The following TTC7A variants were observed in gnomAD, a reference collection of about 807,000 sequenced individuals.
TTC7A encodes tetratricopeptide repeat domain 7A.
Under a neutral mutation model 103.7 loss-of-function variants are expected in TTC7A, and 110 were observed. The observed-to-expected ratio is 1.06, with a 90% CI of 0.91 to 1.24. The LOEUF (loss-of-function observed/expected upper bound fraction) is 1.24, where lower values mean the gene tolerates loss of function less well. Ranked by LOEUF, TTC7A falls within the 50% of genes most tolerant of loss-of-function variation. TTC7A has a pLI of 0.00. For synonymous variants in TTC7A, 521 were observed against 467.9 expected, an observed-to-expected ratio of 1.11 and a Z score of -1.47; for missense variants, 1,340 against 1,116.3, an observed-to-expected ratio of 1.20 and a Z score of -2.86.
At chr2:46,983,610 A>G (rs1220737912) in intron 5 of TTC7A, among the ~76,000 whole-genome samples, 2 of 152,226 alleles carry the variant, frequency 1.3e-5, no homozygotes, top group Non-Finnish European at 2.9e-5. Flanking sequence ...GTGACTTATG[A>G]AGCCCGGCAC....
intron 18 of TTC7A, among the ~76,000 whole-genome samples, chr2:47,057,597 T>G (rs575303503): frequency 1.9e-4 from 29 of 151,974 alleles, no homozygotes; most frequent in African/African-American, 7.0e-4. Context: ...ACCAGGGGAG[T>G]GGGGAGCTTG....
At chr2:47,037,188 C>A (rs1392620230) in intron 15 of TTC7A, among the ~76,000 whole-genome samples, 1 of 147,088 alleles carries the variant, frequency 6.8e-6, no homozygotes, top group Non-Finnish European at 1.5e-5. Context: ...GTACCAGATT[C>A]TGTTCTTGTT....
intron 19 of TTC7A, among the ~76,000 whole-genome samples, chr2:47,062,089 G>A (rs72873000): frequency 8.5e-4 from 129 of 152,336 alleles, no homozygotes; most frequent in African/African-American, 3.0e-3. Flanking sequence ...TGATTTGTCC[G>A]TGAGGAGAAG....
At position 46,957,003 on chromosome 2, in the gene TTC7A, CA is replaced by C; in HGVS notation, c.516del (p.Gly173AlafsTer17). On this transcript the variant is annotated frameshift_variant, in exon 3 of 20. Coordinates refer to ENST00000319190, the MANE Select transcript of TTC7A (RefSeq NM_020458.4). LOFTEE classifies it high-confidence loss of function. ...GGCTGCTGTCGGAGGCTTTTGTCATCAAAGGTAGCTGTGGGCACCAGCCTGG... is the reference window on the plus strand; with the variant it reads ...GGCTGCTGTCGGAGGCTTTTGTCATCAAGGTAGCTGTGGGCACCAGCCTGG... ...MRLLSEAFVI[K>X]GLSLERLPNS... 6.2e-7 allele frequency: 1 copy of C among 1,614,134 alleles called. No homozygotes were observed. The highest frequency in any genetic ancestry group is 1.1e-5 in the South Asian group (1 of 91,078).
At chr2:46,985,017 C>A (rs1674866580) in intron 5 of TTC7A, among the ~76,000 whole-genome samples, 2 of 152,164 alleles carry the variant, frequency 1.3e-5, no homozygotes, top group African/African-American at 2.4e-5. Flanking sequence ...CAGGTGGTCC[C>A]ACCCTCCCTA....
chr2:46,983,197 C>T (rs760427391), intron 5 of TTC7A, among the ~76,000 whole-genome samples: 4 of 152,198 alleles, frequency 2.6e-5, no homozygotes, highest in African/African-American at 7.2e-5. Context: ...CTGGGAGACC[C>T]GAGGCAGTTC....
At chr2:46,980,401 G>A (rs920763008) in intron 5 of TTC7A, among the ~76,000 whole-genome samples, 2 of 151,728 alleles carry the variant, frequency 1.3e-5, no homozygotes, top group Non-Finnish European at 2.9e-5. Flanking sequence ...TTGTAGAGAG[G>A]GAGTTGCATT....
chr2:46,938,673 A>G (rs1307195802), upstream of TTC7A, among the ~76,000 whole-genome samples: 4 of 152,158 alleles, frequency 2.6e-5, no homozygotes, highest in Non-Finnish European at 4.4e-5. Context: ...CTTATAGTCA[A>G]TAAATTCTAT....
intron 11 of TTC7A, among the ~76,000 whole-genome samples, chr2:47,015,012 C>T (rs1462243876): frequency 2.6e-5 from 4 of 152,168 alleles, no homozygotes; most frequent in Admixed American, 2.0e-4. Flanking sequence ...CTGGCTGATT[C>T]GGGGGTTTGC....
chr2:47,029,837 C>T (rs1680328933), intron 15 of TTC7A, among the ~76,000 whole-genome samples: 1 of 152,200 alleles, frequency 6.6e-6, no homozygotes, highest in African/African-American at 2.4e-5. Flanking sequence ...GGTCCTGCTC[C>T]TTCATACCTC....
intron 15 of TTC7A, among the ~76,000 whole-genome samples, chr2:47,038,569 A>G (rs950951983): frequency 6.6e-6 from 1 of 152,020 alleles, no homozygotes; most frequent in African/African-American, 2.4e-5. Flanking sequence ...GCAATTACTA[A>G]TTACTGTCCT....
At chr2:46,970,960 G>C (rs977897483) in intron 3 of TTC7A, among the ~76,000 whole-genome samples, 2 of 152,220 alleles carry the variant, frequency 1.3e-5, no homozygotes. Flanking sequence ...CCCCAGCCTG[G>C]CAAAGGGACA....
At position 46,941,892 on chromosome 2, in the gene TTC7A, G is replaced by C. The variant is rs995492814; in HGVS notation, c.184+167G>C. On this transcript the variant is annotated intron_variant, in intron 1 of 19. Coordinates refer to ENST00000319190, the MANE Select transcript of TTC7A (RefSeq NM_020458.4). The surrounding 1 kb of genome is among the most constrained non-coding windows in gnomAD (Gnocchi z 4.2). ...TTAGGAAGGTCCTTCTGCCGCGAGA[G>C]AAAAATCACATGTGGTTTGGGGGCT... The C allele has an allele frequency of 1.3e-5, 11 of 839,012 alleles. No homozygotes were observed. The South Asian group carries it at 2.0e-4, about 15-fold the overall frequency. The allele number at this position is 839,012 out of a possible 1,614,324, so 52.0% of individuals were successfully genotyped here.
rs138153777 is a variant in TTC7A, at chr2:47,025,123, C to T, written c.1641+764C>T. 3.4e-3 allele frequency among the ~76,000 whole-genome samples: 521 copies of T among 152,302 alleles called. 3 individuals carry two copies. The highest frequency in any genetic ancestry group is 0.012 in the African/African-American group (490 of 41,582). On this transcript the variant is annotated intron_variant, in intron 14 of 19. Coordinates refer to ENST00000319190, the MANE Select transcript of TTC7A (RefSeq NM_020458.4). ...GCTCTCACAGTGGAGCTCTCCTTGC[C>T]GGAACCACCCAGGAAATGGGCTGAG...
chr2:47,032,378 G>C (rs976467658), intron 15 of TTC7A, among the ~76,000 whole-genome samples: 2 of 152,190 alleles, frequency 1.3e-5, no homozygotes, highest in African/African-American at 4.8e-5. Flanking sequence ...CTTCCCCAAG[G>C]CTTGCAAGGA....
intron 5 of TTC7A, among the ~76,000 whole-genome samples, chr2:46,979,412 G>A (rs1302107202): frequency 3.3e-5 from 5 of 152,172 alleles, no homozygotes; most frequent in Admixed American, 6.5e-5. Context: ...AAGTTCTGGC[G>A]TCACGCTGGG....
At chr2:47,047,269 C>T (rs1018036247) in intron 16 of TTC7A, 1 of 1,546,758 alleles carries the variant, frequency 6.5e-7, no homozygotes. Flanking sequence ...TTCACAGAGA[C>T]TTTAGGAGCC....
intron 6 of TTC7A, among the ~76,000 whole-genome samples, 193 bp downstream of exon 6, chr2:46,993,721 A>C (rs1675869671): frequency 6.6e-6 from 1 of 152,114 alleles, no homozygotes; most frequent in Admixed American, 6.5e-5. Context: ...CCCCCGCGGC[A>C]TTGCAGATAG....
intron 5 of TTC7A, among the ~76,000 whole-genome samples, chr2:46,992,305 G>C (rs1675715394): frequency 6.6e-6 from 1 of 152,226 alleles, no homozygotes; most frequent in Non-Finnish European, 1.5e-5. Flanking sequence ...GGTCAGACCT[G>C]CAGGTAGAAA....
Sources: gnomAD v4.1 joint callset for allele counts (sites outside exome capture counted in the v4.1 genomes callset) on GRCh38, gnomAD v4.1.1 for gene constraint, Gnocchi (gnomAD v3.1) non-coding constraint, MANE v1.5 for transcripts, NCBI Gene and HGNC (gene_info 2026-07-23, HGNC 2026-07-21) for gene names.